Variants in CNTN4 observed in about 807,000 individuals in gnomAD.
The protein encoded by CNTN4 is contactin 4.
In CNTN4, 77 loss-of-function variants were observed where a neutral mutation model predicts 122.5. The observed-to-expected ratio is 0.63, with a 90% confidence interval of 0.52 to 0.76. The LOEUF is 0.76. CNTN4 is among the 30% of genes least tolerant of loss of function. The pLI is 0.00. For missense variants in CNTN4, 1,256 were observed against 1,259.1 expected (o/e 1.00, Z 0.04); for synonymous variants, 512 against 447.0 (o/e 1.15, Z -1.83).
At chr3:2,156,815 C>T (rs541012278) in intron 2 of CNTN4, among the ~76,000 whole-genome samples, 3 of 152,262 alleles carry the variant, frequency 2.0e-5, no homozygotes, top group South Asian at 4.1e-4. Flanking sequence ...ATTAAGAGAC[C>T]ATGATCCGAT....
intron 12 of CNTN4, among the ~76,000 whole-genome samples, chr3:2,908,309 A>G (rs1272985101): frequency 6.6e-6 from 1 of 152,214 alleles, no homozygotes; most frequent in Non-Finnish European, 1.5e-5. Flanking sequence ...ATTTGTGTCC[A>G]CTCAGATGAT....
At chr3:2,352,403 C>G (rs916068353) in intron 3 of CNTN4, among the ~76,000 whole-genome samples, 2 of 152,070 alleles carry the variant, frequency 1.3e-5, no homozygotes, top group African/African-American at 2.4e-5. Flanking sequence ...GGGAAAGGCT[C>G]GGGTGGGAAC....
At chr3:2,637,824 A>G (rs1322846612) in intron 4 of CNTN4, among the ~76,000 whole-genome samples, 3 of 152,064 alleles carry the variant, frequency 2.0e-5, no homozygotes, top group African/African-American at 7.2e-5. Context: ...TATTTTCTAC[A>G]TTTCTAACTT....
chr3:2,247,327 G>A (rs759682502), intron 2 of CNTN4, among the ~76,000 whole-genome samples: 4 of 152,028 alleles, frequency 2.6e-5, no homozygotes, highest in Non-Finnish European at 5.9e-5. Flanking sequence ...GCCAATTTCT[G>A]TATTAGAGCA....
chr3:3,035,871 A>T (rs997926793), intron 17 of CNTN4, among the ~76,000 whole-genome samples: 2 of 151,990 alleles, frequency 1.3e-5, no homozygotes, highest in African/African-American at 4.8e-5. Context: ...TTTTAGATGG[A>T]TAAATTTGGG....
intron 2 of CNTN4, among the ~76,000 whole-genome samples, chr3:2,185,269 G>T (rs947324489): frequency 3.9e-5 from 6 of 152,026 alleles, no homozygotes; most frequent in African/African-American, 1.4e-4. Flanking sequence ...GCAGAAATGG[G>T]GACACATTGC....
At chr3:2,172,986 GA>G (rs1432258740) in intron 2 of CNTN4, among the ~76,000 whole-genome samples, 6 of 152,184 alleles carry the variant, frequency 3.9e-5, no homozygotes, top group Non-Finnish European at 5.9e-5. Context: ...CTACAGATCA[GA>G]ACAACTATCA....
At chr3:2,998,862 T>C (rs1242663077) in intron 14 of CNTN4, among the ~76,000 whole-genome samples, 1 of 152,170 alleles carries the variant, frequency 6.6e-6, no homozygotes, top group Non-Finnish European at 1.5e-5. Flanking sequence ...TGTAGCTAAG[T>C]GACATGACGC....
At chr3:2,451,444 G>T (rs2048825047) in intron 3 of CNTN4, among the ~76,000 whole-genome samples, 1 of 87,268 alleles carries the variant, frequency 1.1e-5, no homozygotes, top group African/African-American at 6.1e-5. Context: ...GACTGGGGAG[G>T]TCTTAAAAAA....
intron 3 of CNTN4, among the ~76,000 whole-genome samples, chr3:2,412,320 C>T (rs911418372): frequency 1.3e-5 from 2 of 151,820 alleles, no homozygotes; most frequent in African/African-American, 4.8e-5. Flanking sequence ...GGCGCTATCT[C>T]GGCTCACTGC....
intron 3 of CNTN4, among the ~76,000 whole-genome samples, chr3:2,482,764 G>C (rs2076041594): frequency 6.6e-6 from 1 of 152,204 alleles, no homozygotes; most frequent in African/African-American, 2.4e-5. Flanking sequence ...TCCACATGGT[G>C]TTGGTCCTCT....
At chr3:2,180,186 T>A (rs1397337226) in intron 2 of CNTN4, among the ~76,000 whole-genome samples, 1 of 152,012 alleles carries the variant, frequency 6.6e-6, no homozygotes, top group Non-Finnish European at 1.5e-5. Context: ...AAATAATACA[T>A]CTAGCCTAAA....
intron 2 of CNTN4, among the ~76,000 whole-genome samples, chr3:2,120,386 T>TGTATATATATAA (rs2033666410): frequency 3.6e-5 from 1 of 27,676 alleles, no homozygotes; most frequent in Non-Finnish European, 8.7e-5. Context: ...TATATATATA[T>TGTATATATATAA]ATATATATAT....
At chr3:2,564,292 A>G (rs1169902397) in intron 3 of CNTN4, among the ~76,000 whole-genome samples, 2 of 152,198 alleles carry the variant, frequency 1.3e-5, no homozygotes, top group Non-Finnish European at 2.9e-5. Flanking sequence ...AAAAATTACA[A>G]TAAGTGATTA....
chr3:2,874,897 TC>T (rs1378955198), intron 8 of CNTN4, among the ~76,000 whole-genome samples: 2 of 152,206 alleles, frequency 1.3e-5, no homozygotes, highest in Non-Finnish European at 2.9e-5. Context: ...AAATAATTTT[TC>T]TATAGAAATG....
At chr3:2,572,680 A>G (rs913872727) in intron 4 of CNTN4, among the ~76,000 whole-genome samples, 6 of 152,214 alleles carry the variant, frequency 3.9e-5, no homozygotes, top group African/African-American at 1.2e-4. Flanking sequence ...TTGGATCACC[A>G]TTACTTTGAT....
chr3:2,845,500 G>A (rs1014847316), intron 7 of CNTN4, among the ~76,000 whole-genome samples: 21 of 152,202 alleles, frequency 1.4e-4, no homozygotes, highest in African/African-American at 4.8e-4. Context: ...TTCATAAAAT[G>A]TTTATGACAT....
chr3:2,406,436 A>G (rs913162526), intron 3 of CNTN4, among the ~76,000 whole-genome samples: 4 of 152,204 alleles, frequency 2.6e-5, no homozygotes, highest in African/African-American at 9.7e-5. Flanking sequence ...GTATCTTCAT[A>G]TCACAATACA....
At chr3:2,896,041 TAAATA>T (rs943855172) in intron 10 of CNTN4, among the ~76,000 whole-genome samples, 4 of 151,718 alleles carry the variant, frequency 2.6e-5, no homozygotes, top group African/African-American at 9.7e-5. Context: ...TCAAAAAAAA[TAAATA>T]AATAAAAATC....
Sources: gnomAD v4.1 joint callset for allele counts (sites outside exome capture counted in the v4.1 genomes callset) on GRCh38, gnomAD v4.1.1 for gene constraint, MANE v1.5 for transcripts, NCBI Gene and HGNC (gene_info 2026-07-23, HGNC 2026-07-21) for gene names.